SLC39A11: variants seen among roughly 807,000 people sequenced by gnomAD.
SLC39A11 encodes the protein solute carrier family 39 member 11, also known as zinc transporter ZIP11.
SLC39A11 carries 33 observed loss-of-function variants against 36.1 expected under a neutral mutation model. The ratio of observed to expected loss-of-function variants is 0.91; its 90% CI spans 0.69 to 1.22. The LOEUF is 1.22. Ranked by LOEUF, SLC39A11 falls within the 50% of genes most tolerant of loss-of-function variation. SLC39A11 has a pLI of 0.00. For missense variants in SLC39A11, 432 were observed against 430.3 expected (o/e 1.00, Z -0.03); for synonymous variants, 166 against 170.3 (o/e 0.97, Z 0.20).
At chr17:72,729,408 TATATATATATATATATATATATATA>T (rs2074070662) in intron 7 of SLC39A11, among the ~76,000 whole-genome samples, 1 of 4,452 alleles carries the variant, frequency 2.2e-4, no homozygotes, top group African/African-American at 7.8e-4. Context: ...TGGCTATTTA[TATATATATATATATATATATATATA>T]TATATATATA....
At chr17:72,687,797 C>T (rs1458276614) in intron 7 of SLC39A11, among the ~76,000 whole-genome samples, 3 of 152,204 alleles carry the variant, frequency 2.0e-5, no homozygotes, top group Non-Finnish European at 2.9e-5. Flanking sequence ...CGGCTGGATG[C>T]TCTATAGGTT....
At chr17:72,787,949 G>C (rs1450925539) in intron 6 of SLC39A11, among the ~76,000 whole-genome samples, 1 of 152,174 alleles carries the variant, frequency 6.6e-6, no homozygotes, top group East Asian at 1.9e-4. Context: ...TATCAGGGTT[G>C]AAGATTTGCA....
intron 7 of SLC39A11, among the ~76,000 whole-genome samples, chr17:72,732,610 A>G (rs2074277811): frequency 1.3e-5 from 2 of 152,130 alleles, no homozygotes; most frequent in Non-Finnish European, 2.9e-5. Flanking sequence ...TGTGAGTGCT[A>G]TCTTTCCTGC....
intron 3 of SLC39A11, among the ~76,000 whole-genome samples, chr17:73,054,398 C>T (rs1048576435): frequency 6.6e-6 from 1 of 151,414 alleles, no homozygotes; most frequent in African/African-American, 2.4e-5. Context: ...CTCTAATGCA[C>T]ACGCCACATT....
chr17:72,695,168 C>T (rs180889513), intron 7 of SLC39A11, among the ~76,000 whole-genome samples: 11 of 152,320 alleles, frequency 7.2e-5, no homozygotes, highest in African/African-American at 2.2e-4. Context: ...CTCCCAGAGG[C>T]CTCTGTCCCT....
intron 7 of SLC39A11, among the ~76,000 whole-genome samples, chr17:72,729,001 T>C (rs2074044540): frequency 6.6e-6 from 1 of 152,158 alleles, no homozygotes; most frequent in Admixed American, 6.5e-5. Context: ...ATCTTCTTCA[T>C]TGCTGCTAAA....
intron 6 of SLC39A11, among the ~76,000 whole-genome samples, chr17:72,745,059 C>T (rs1015584655): frequency 2.0e-5 from 3 of 152,182 alleles, no homozygotes; most frequent in African/African-American, 7.2e-5. Context: ...CCAGGCTGGT[C>T]TTGAACTCCT....
intron 6 of SLC39A11, among the ~76,000 whole-genome samples, chr17:72,785,387 G>A (rs1194370362): frequency 2.0e-5 from 3 of 148,610 alleles, no homozygotes; most frequent in South Asian, 2.1e-4. Flanking sequence ...AGAAAGAGTC[G>A]GGAGAATTTC....
intron 6 of SLC39A11, among the ~76,000 whole-genome samples, chr17:72,771,845 C>T (rs1078545): frequency 9.4e-4 from 143 of 152,170 alleles, no homozygotes; most frequent in African/African-American, 3.3e-3. Context: ...AACCAGTGAT[C>T]GGCAAAAGAA....
chr17:72,745,219 G>A (rs997518384), intron 6 of SLC39A11, among the ~76,000 whole-genome samples: 1 of 152,234 alleles, frequency 6.6e-6, no homozygotes, highest in Non-Finnish European at 1.5e-5. Flanking sequence ...GGATGGGAAA[G>A]GGCACCTGTA....
In SLC39A11 at chr17:72,976,709, G is replaced by A. The variant is rs533615099; in HGVS notation, c.307-28834C>T. Among the ~76,000 whole-genome samples, 5 of 152,240 alleles carry A rather than the reference G, an allele frequency of 3.3e-5. No homozygotes were observed. The South Asian group carries it at 1.0e-3, about 32-fold the overall frequency. ...TACTAAAAATACAAAAATTAGCCTG[G>A]CATGGTGGCACGTGCCTATAATCCC... On this transcript the variant is annotated intron_variant, in intron 4 of 9. Transcript: ENST00000255559.
chr17:73,068,123 T>A, intron 3 of SLC39A11: 1 of 1,364,262 alleles, frequency 7.3e-7, no homozygotes, highest in Non-Finnish European at 1.0e-6. Flanking sequence ...TAGCAAAATG[T>A]CAATTTTTTT....
At chr17:72,803,612 C>A (rs1199479222) in intron 6 of SLC39A11, among the ~76,000 whole-genome samples, 1 of 152,202 alleles carries the variant, frequency 6.6e-6, no homozygotes, top group East Asian at 1.9e-4. Flanking sequence ...TCAAGCACTT[C>A]AAAATAGTCC....
At chr17:72,962,889 A>G (rs1187003253) in intron 4 of SLC39A11, among the ~76,000 whole-genome samples, 1 of 152,148 alleles carries the variant, frequency 6.6e-6, no homozygotes, top group African/African-American at 2.4e-5. Flanking sequence ...AGCTCCATAA[A>G]GAGCTGGCTA....
intron 5 of SLC39A11, among the ~76,000 whole-genome samples, chr17:72,912,170 G>A (rs2083044976): frequency 6.6e-6 from 1 of 152,052 alleles, no homozygotes; most frequent in Non-Finnish European, 1.5e-5. Flanking sequence ...GCTAATAAAT[G>A]AGCAGCTAAG....
intron 5 of SLC39A11, among the ~76,000 whole-genome samples, chr17:72,946,776 G>A (rs1274651676): frequency 6.6e-6 from 1 of 152,138 alleles, no homozygotes; most frequent in East Asian, 1.9e-4. Flanking sequence ...AACTAGCCAA[G>A]TGTCCTTAGT....
At chr17:73,076,794 CT>C (rs1044868158) in intron 3 of SLC39A11, among the ~76,000 whole-genome samples, 14 of 138,398 alleles carry the variant, frequency 1.0e-4, no homozygotes, top group Non-Finnish European at 1.9e-4. Flanking sequence ...AGGGGACTTT[CT>C]TTTTTTCTTT....
chr17:72,698,459 CAAAAAAAAAAA>C (rs61454778), intron 7 of SLC39A11, among the ~76,000 whole-genome samples: 1 of 93,000 alleles, frequency 1.1e-5, no homozygotes, highest in African/African-American at 3.0e-5. Context: ...TAATAAAAAC[CAAAAAAAAAAA>C]AAAAAAAAAG....
intron 7 of SLC39A11, among the ~76,000 whole-genome samples, chr17:72,729,455 A>T (rs112903714): frequency 0.47 from 3,054 of 6,530 alleles, 600 homozygotes; most frequent in African/African-American, 0.52. Context: ...ATATATATAT[A>T]TATTTTTTTT....
Sources: gnomAD v4.1 joint callset for allele counts (sites outside exome capture counted in the v4.1 genomes callset) on GRCh38, gnomAD v4.1.1 for gene constraint, MANE v1.5 for transcripts, NCBI Gene and HGNC (gene_info 2026-07-23, HGNC 2026-07-21) for gene names.